SLC17A6: variants seen among roughly 807,000 people sequenced by gnomAD.
SLC17A6 encodes solute carrier family 17 member 6.
In SLC17A6, 35 loss-of-function variants were observed where a neutral mutation model predicts 67.1. The ratio of observed to expected loss-of-function variants is 0.52; its 90% confidence interval spans 0.40 to 0.69. The LOEUF is 0.69. SLC17A6 is among the 30% of genes least tolerant of loss of function. SLC17A6 has a pLI of 0.00. For missense variants in SLC17A6, 588 were observed against 723.9 expected (o/e 0.81, Z 2.15); for synonymous variants, 285 against 252.3 (o/e 1.13, Z -1.23).
Position 22,370,029 on chromosome 11 carries a change from G to A in SLC17A6, c.892-10G>A. 1 of 1,599,974 alleles carries A rather than the reference G, an allele frequency of 6.3e-7. No homozygotes were observed. Among genetic ancestry groups the A allele is most frequent in the South Asian group, 1.1e-5 (1 of 87,284 alleles). On this transcript the variant is annotated splice_polypyrimidine_tract_variant and intron_variant, in intron 7 of 11. Transcript: ENST00000263160. ...AAATGGTCATAATGTCTCTCTTTTT[G>A]GAATTTCAGAAATTCAAGACTCCAT... is the stretch of plus-strand genomic sequence containing the variant.
chr11:22,353,307 C>T (rs1855962569), intron 3 of SLC17A6, among the ~76,000 whole-genome samples: 1 of 152,056 alleles, frequency 6.6e-6, no homozygotes, highest in Non-Finnish European at 1.5e-5. Flanking sequence ...TCATACTTAG[C>T]AAGAAATTAG....
intron 2 of SLC17A6, chr11:22,342,925 C>T (rs989371086): frequency 4.1e-6 from 2 of 486,576 alleles, no homozygotes; most frequent in Admixed American, 2.3e-5. Flanking sequence ...TAACAAATCT[C>T]TTCATGGGGA....
chr11:22,356,570 C>T (rs1018388604), intron 3 of SLC17A6, among the ~76,000 whole-genome samples: 8 of 152,148 alleles, frequency 5.3e-5, no homozygotes, highest in Non-Finnish European at 1.0e-4. Flanking sequence ...CATGGTGGCT[C>T]ACACCTCTAA....
At chr11:22,374,671 T>A (rs1590395665) in intron 8 of SLC17A6, 84 bp from the exon 9 acceptor site, 3 of 1,150,312 alleles carry the variant, frequency 2.6e-6, no homozygotes, top group African/African-American at 1.6e-5. Flanking sequence ...AAAGATGTGA[T>A]GACAGATTCA....
In SLC17A6 at chr11:22,377,688, AAGG is replaced by A. The variant is rs1168715731; in HGVS notation, c.1700_1702del (p.Gly567del). The A allele has an allele frequency of 1.2e-6, 2 of 1,612,090 alleles. No individual in the cohort carries two copies. The highest frequency in any genetic ancestry group is 8.5e-7 in the Non-Finnish European group (1 of 1,179,492). On this transcript the variant is annotated inframe_deletion, in exon 12 of 12. Transcript: ENST00000263160. ...TGGGAAAAGAAAGAGGAATTTGTAC[AAGG>A]AGAAGTACAAGACTCACATAGCTAT...
In SLC17A6 at chr11:22,374,859, G is replaced by T; in HGVS notation, c.1146G>T (p.Thr382=). The change falls in exon 9 of 12, where the codon ACG becomes ACT. Residue 382 remains threonine, a synonymous_variant. Transcript: ENST00000263160. ...FLRSKQILST[T]TVRKIMNCGG... is the part of the protein sequence containing the mutation. The stretch of plus-strand genomic sequence containing the variant: ...GAAGCAAGCAGATTCTTTCAACTAC[G>T]ACAGTGAGAAAGATCATGAATTGTG... 6.2e-7 allele frequency: 1 copy of T among 1,613,350 alleles called. No homozygotes were observed. Among genetic ancestry groups the T allele is most frequent in the Non-Finnish European group, 8.5e-7 (1 of 1,179,790 alleles).
intron 1 of SLC17A6, among the ~76,000 whole-genome samples, chr11:22,339,798 C>T (rs1037124372): frequency 6.6e-6 from 1 of 152,076 alleles, no homozygotes; most frequent in Non-Finnish European, 1.5e-5. Flanking sequence ...CCGCAAGGGC[C>T]CTGCAGTCCC....
At chr11:22,373,879 G>T (rs534583656) in intron 8 of SLC17A6, among the ~76,000 whole-genome samples, 1 of 152,192 alleles carries the variant, frequency 6.6e-6, no homozygotes, top group South Asian at 2.1e-4. Flanking sequence ...TGGAATCTTT[G>T]TCTCAAACCT....
At position 22,340,270 on chromosome 11, in the gene SLC17A6, T is replaced by A. The variant is rs77739002; in HGVS notation, c.87-1258T>A. On this transcript the variant is annotated intron_variant, in intron 1 of 11. Coordinates refer to ENST00000263160, the MANE Select transcript of SLC17A6 (RefSeq NM_020346.3). ...ATCTGCAAATTGTAAACGGAAAGGC[T>A]CTTTGTTTAAATATCGAAAGTATCA... is the stretch of plus-strand genomic sequence containing the variant. Among the ~76,000 whole-genome samples the A allele has an allele frequency of 4.2e-3, 637 of 152,362 alleles. 8 individuals are homozygous for A. The highest frequency in any genetic ancestry group is 0.015 in the African/African-American group (617 of 41,580).
chr11:22,352,957 A>T (rs1035770291), intron 3 of SLC17A6, among the ~76,000 whole-genome samples: 3 of 152,210 alleles, frequency 2.0e-5, no homozygotes, highest in African/African-American at 7.2e-5. Flanking sequence ...AATTCCCATT[A>T]CATGTCTTCT....
chr11:22,339,445 C>T (rs943496035), intron 1 of SLC17A6, among the ~76,000 whole-genome samples: 2 of 151,768 alleles, frequency 1.3e-5, no homozygotes. Context: ...ATAAATATAA[C>T]AAGCAACATT....
In SLC17A6 at chr11:22,379,482, CT is replaced by C. The variant is rs1158523083; in HGVS notation, c.*1743del. On this transcript the variant is annotated 3_prime_UTR_variant, in exon 12 of 12. Coordinates refer to ENST00000263160, the MANE Select transcript of SLC17A6 (RefSeq NM_020346.3). ...AGCAAAAAAGTGTTAATAAAATGCT[CT>C]ATTTATCCTTTTTTTAAAAAGCAGT... The C allele has an allele frequency of 7.0e-6, 1 of 143,350 alleles. No homozygotes were observed. Among genetic ancestry groups the C allele is most frequent in the East Asian group, 2.1e-4 (1 of 4,856 alleles). The allele number at this position is 143,350 out of a possible 1,614,324, so 8.9% of individuals were successfully genotyped here. A position where few individuals can be genotyped will look rare whatever the true frequency, so the allele number is the denominator to read the frequency against.
In SLC17A6 at chr11:22,338,524, C is replaced by A. The variant is rs1855761898; in HGVS notation, c.-10C>A. 1.3e-6 allele frequency: 2 copies of A among 1,597,968 alleles called. No individual in the cohort carries two copies. The highest frequency in any genetic ancestry group is 1.7e-5 in the Admixed American group (1 of 59,828). On this transcript the variant is annotated 5_prime_UTR_variant, in exon 1 of 12. Transcript: ENST00000263160. ...AAATCTGGCAAGAACTGACAACAGTCTTTGCAAGAATGGAATCCGTAAAAC... is the reference window on the plus strand; with the variant it reads ...AAATCTGGCAAGAACTGACAACAGTATTTGCAAGAATGGAATCCGTAAAAC...
intron 3 of SLC17A6, among the ~76,000 whole-genome samples, chr11:22,352,905 T>A (rs187506810): frequency 1.4e-3 from 214 of 152,344 alleles, no homozygotes; most frequent in East Asian, 3.5e-3. Flanking sequence ...AAGAGGCTGA[T>A]GCATTTCAAT....
intron 4 of SLC17A6, among the ~76,000 whole-genome samples, chr11:22,360,118 A>AG (rs1316937816): frequency 2.0e-5 from 3 of 151,922 alleles, no homozygotes; most frequent in Non-Finnish European, 1.5e-5. Context: ...ACTAAAAAAA[A>AG]AAAAACCCTT....
intron 5 of SLC17A6, 64 bp downstream of exon 5, chr11:22,361,048 T>A: frequency 6.9e-7 from 1 of 1,446,736 alleles, no homozygotes; most frequent in Admixed American, 1.8e-5. Flanking sequence ...GAATAAGAAT[T>A]GAAAATTTGG....
Position 22,377,582 on chromosome 11 carries a change from A to T in SLC17A6, c.1591A>T (p.Ile531Phe). 6.2e-7 allele frequency: 1 copy of T among 1,614,172 alleles called. No homozygotes were observed. The highest frequency in any genetic ancestry group is 1.1e-5 in the South Asian group (1 of 91,086). Residue 531 changes from isoleucine to phenylalanine, a missense_variant, in exon 12 of 12, where the codon ATT becomes TTT. Physicochemically the swap from Ile to Phe is conservative, Grantham distance 21. Coordinates refer to ENST00000263160, the MANE Select transcript of SLC17A6 (RefSeq NM_020346.3). Reference protein sequence around the residue: ...EDELDEETGDITQNYINYGTT... With the variant: ...EDELDEETGDFTQNYINYGTT... ...TGAACTCGATGAAGAAACAGGGGAC[A>T]TTACTCAAAATTATATAAATTATGG...
At position 22,374,896 on chromosome 11, in the gene SLC17A6, A is replaced by G; in HGVS notation, c.1174+9A>G. The G allele has an allele frequency of 1.2e-6, 2 of 1,608,068 alleles. No individual in the cohort carries two copies. The highest frequency in any genetic ancestry group is 2.2e-5 in the South Asian group (2 of 89,946). Reference sequence around the variant, plus strand: ...GATCATGAATTGTGGTGGTAAGTACATAAGTGGCACTAAGGACATGTTTTT... The same window carrying G: ...GATCATGAATTGTGGTGGTAAGTACGTAAGTGGCACTAAGGACATGTTTTT... On this transcript the variant is annotated intron_variant, in intron 9 of 11. Transcript: ENST00000263160.
Position 22,378,515 on chromosome 11 carries a change from A to C in SLC17A6, c.*775A>C, listed in dbSNP as rs189795493. 1 of 152,664 alleles carries C rather than the reference A, an allele frequency of 6.6e-6. No homozygotes were observed. Among genetic ancestry groups the C allele is most frequent in the East Asian group, 1.9e-4 (1 of 5,188 alleles). 9.5% of individuals were successfully genotyped at this position (152,664 alleles called of 1,614,324 possible). On this transcript the variant is annotated 3_prime_UTR_variant, in exon 12 of 12. Coordinates refer to ENST00000263160, the MANE Select transcript of SLC17A6 (RefSeq NM_020346.3). ...AAAATATAAAAAGAAATAAACTTCA[A>C]TGTATTTTTTATTACAACTTTGTAC...
Sources: allele counts gnomAD v4.1 joint callset (sites outside exome capture counted in the v4.1 genomes callset), GRCh38; gene constraint gnomAD v4.1.1; transcripts MANE v1.5; gene names NCBI Gene and HGNC (gene_info 2026-07-23, HGNC 2026-07-21).